Variants in SPIDR observed in about 807,000 individuals in gnomAD.
The protein encoded by SPIDR is scaffold protein involved in DNA repair.
A neutral mutation model predicts 104.6 loss-of-function variants in SPIDR; 93 were observed. That is an observed-to-expected ratio of 0.89 (90% CI 0.75 to 1.06). The LOEUF is 1.06. Among genes scored for constraint, SPIDR ranks in the 50% least tolerant of loss-of-function variants. The pLI is 0.00. For missense variants in SPIDR, 1,154 were observed against 1,111.2 expected, an observed-to-expected ratio of 1.04 and a Z score of -0.55; for synonymous variants, 431 against 416.9, an observed-to-expected ratio of 1.03 and a Z score of -0.41.
chr8:47,381,075 G>A (rs781996422), intron 5 of SPIDR, among the ~76,000 whole-genome samples: 1 of 152,118 alleles, frequency 6.6e-6, no homozygotes, highest in Admixed American at 6.5e-5. Flanking sequence ...TTCTTAACGC[G>A]TAAACAGAGA....
intron 11 of SPIDR, among the ~76,000 whole-genome samples, chr8:47,689,975 T>C (rs1243583993): frequency 6.6e-6 from 1 of 152,176 alleles, no homozygotes; most frequent in Non-Finnish European, 1.5e-5. Context: ...CTACTTGATG[T>C]GTGAATTCAA....
intron 8 of SPIDR, among the ~76,000 whole-genome samples, chr8:47,531,939 A>G (rs1587285701): frequency 6.6e-6 from 1 of 152,338 alleles, no homozygotes; most frequent in East Asian, 1.9e-4. Context: ...GAATACAATA[A>G]CAGAAAGACA....
intron 10 of SPIDR, among the ~76,000 whole-genome samples, chr8:47,622,607 G>A (rs2154435398): frequency 6.6e-6 from 1 of 152,210 alleles, no homozygotes; most frequent in Admixed American, 6.5e-5. Flanking sequence ...GTCCCAGGAG[G>A]ATGGGGGTGA....
At chr8:47,688,477 G>A (rs2078153503) in intron 11 of SPIDR, 2 of 151,310 alleles carry the variant, frequency 1.3e-5, no homozygotes, top group Admixed American at 1.3e-4. Context: ...CACACAAAAG[G>A]ACCCTGGTGT....
chr8:47,612,910 T>C (rs2063783170), intron 10 of SPIDR, among the ~76,000 whole-genome samples: 1 of 152,216 alleles, frequency 6.6e-6, no homozygotes, highest in Non-Finnish European at 1.5e-5. Context: ...ACGGAGGAAA[T>C]GGATGCTATG....
chr8:47,703,046 G>C (rs2080547438), intron 14 of SPIDR, among the ~76,000 whole-genome samples: 1 of 152,142 alleles, frequency 6.6e-6, no homozygotes, highest in Non-Finnish European at 1.5e-5. Flanking sequence ...TACTATGCCT[G>C]GTTATCAAGA....
intron 3 of SPIDR, among the ~76,000 whole-genome samples, chr8:47,288,134 A>G (rs2039216813): frequency 6.6e-6 from 1 of 151,912 alleles, no homozygotes. Flanking sequence ...TAGGTATTTT[A>G]TTGGTTTTTG....
At chr8:47,672,052 G>A (rs2075871111) in intron 10 of SPIDR, among the ~76,000 whole-genome samples, 1 of 152,078 alleles carries the variant, frequency 6.6e-6, no homozygotes, top group East Asian at 1.9e-4. Flanking sequence ...CAACCTCCTG[G>A]GCTGAAGTGA....
chr8:47,370,739 C>T (rs1279210104), intron 5 of SPIDR, among the ~76,000 whole-genome samples: 2 of 151,778 alleles, frequency 1.3e-5, no homozygotes, highest in African/African-American at 2.4e-5. Context: ...CATGAGCCAC[C>T]GTGCCTGGCC....
At chr8:47,667,440 GAAAAAAAAAAAAA>G (rs528607871) in intron 10 of SPIDR, among the ~76,000 whole-genome samples, 2 of 52,634 alleles carry the variant, frequency 3.8e-5, no homozygotes, top group South Asian at 6.9e-4. Flanking sequence ...CTTCAAAAGG[GAAAAAAAAAAAAA>G]AAAAAAAAAA....
At chr8:47,276,512 A>G (rs2036454591) in intron 1 of SPIDR, among the ~76,000 whole-genome samples, 1 of 152,244 alleles carries the variant, frequency 6.6e-6, no homozygotes, top group Non-Finnish European at 1.5e-5. Flanking sequence ...TAGGTAACAA[A>G]TATACTTGTA....
chr8:47,365,489 G>A (rs147851959), intron 5 of SPIDR, among the ~76,000 whole-genome samples: 2 of 152,142 alleles, frequency 1.3e-5, no homozygotes, highest in Non-Finnish European at 2.9e-5. Context: ...CCCATGGTGT[G>A]CAGCCTTGCA....
intron 6 of SPIDR, among the ~76,000 whole-genome samples, chr8:47,402,248 A>G (rs892198997): frequency 2.6e-5 from 4 of 152,194 alleles, no homozygotes; most frequent in Non-Finnish European, 5.9e-5. Context: ...CACAAGAGAA[A>G]GCAGGAAAGA....
At chr8:47,735,084 A>ATGGGTGTG (rs1173994552) in intron 19 of SPIDR, among the ~76,000 whole-genome samples, 2 of 148,958 alleles carry the variant, frequency 1.3e-5, no homozygotes, top group African/African-American at 2.5e-5. Context: ...GCTAAAATAA[A>ATGGGTGTG]TGGGTGTGTG....
intron 7 of SPIDR, among the ~76,000 whole-genome samples, chr8:47,438,487 G>C (rs2068779849): frequency 6.6e-6 from 1 of 152,148 alleles, no homozygotes; most frequent in Admixed American, 6.5e-5. Context: ...ACATTATCCT[G>C]ATTTCTTTTC....
At chr8:47,278,932 G>A (rs1338826000) in intron 1 of SPIDR, among the ~76,000 whole-genome samples, 11 of 151,666 alleles carry the variant, frequency 7.3e-5, no homozygotes, top group East Asian at 1.9e-4. Context: ...TGTGTTGCCC[G>A]GCTTGAAGTG....
intron 7 of SPIDR, among the ~76,000 whole-genome samples, chr8:47,437,606 G>A (rs1563971441): frequency 6.6e-6 from 1 of 151,936 alleles, no homozygotes; most frequent in Non-Finnish European, 1.5e-5. Context: ...CTCAAAAGAA[G>A]ACATTTATGC....
intron 7 of SPIDR, among the ~76,000 whole-genome samples, chr8:47,411,666 C>G (rs1290790088): frequency 4.7e-4 from 72 of 152,078 alleles, no homozygotes; most frequent in Non-Finnish European, 7.1e-4. Flanking sequence ...TAATTAGATC[C>G]CATTTGTCAA....
rs782304031 is a variant in SPIDR at position 47,407,966 on chromosome 8, G to A, written c.877+5G>A. The A allele has an allele frequency of 4.5e-5, 68 of 1,519,218 alleles. No homozygotes were observed. The highest frequency in any genetic ancestry group is 1.3e-4 in the South Asian group (11 of 81,498). The allele number at this position is 1,519,218 out of a possible 1,614,324, so 94.1% of individuals were successfully genotyped here. ...CTTACCAAAAGACACTTTCAGGTAA[G>A]GCTTGTGCAGGAATCTGAGACAATG... is the stretch of plus-strand genomic sequence containing the variant. On this transcript the variant is annotated splice_donor_5th_base_variant and intron_variant, in intron 7 of 19. Coordinates refer to ENST00000297423, the MANE Select transcript of SPIDR (RefSeq NM_001080394.4).
Sources: allele counts gnomAD v4.1 joint callset (sites outside exome capture counted in the v4.1 genomes callset), GRCh38; gene constraint gnomAD v4.1.1; transcripts MANE v1.5; gene names NCBI Gene and HGNC (gene_info 2026-07-23, HGNC 2026-07-21).